PKD1L1: variants seen among roughly 807,000 people sequenced by gnomAD.
PKD1L1 encodes the protein polycystin-1-like protein 1.
PKD1L1 carries 236 observed loss-of-function variants against 323.4 expected under a neutral mutation model. That is an observed-to-expected ratio of 0.73 (90% CI 0.66 to 0.81). The LOEUF (loss-of-function observed/expected upper bound fraction) is 0.81, where lower values mean the gene tolerates loss of function less well. Among genes scored for constraint, PKD1L1 ranks in the 40% least tolerant of loss-of-function variants. The probability of loss-of-function intolerance (pLI) is 0.00; values close to 1 mark genes in which losing one functional copy is unlikely to be tolerated. For synonymous variants in PKD1L1, 1,344 were observed against 1,335.0 expected (o/e 1.01, Z -0.15); for missense variants, 3,320 against 3,508.0 (o/e 0.95, Z 1.35).
intron 6 of PKD1L1, among the ~76,000 whole-genome samples, chr7:47,930,112 T>C (rs1787736927): frequency 6.6e-6 from 1 of 152,192 alleles, no homozygotes; most frequent in East Asian, 1.9e-4. Context: ...GCATATGGTG[T>C]TGGTACCATT....
In PKD1L1 at chr7:47,866,540, G is replaced by T; in HGVS notation, c.3971C>A (p.Thr1324Asn). 6.2e-7 allele frequency: 1 copy of T among 1,613,900 alleles called. No homozygotes were observed. The highest frequency in any genetic ancestry group is 8.5e-7 in the Non-Finnish European group (1 of 1,179,882). Residue 1324 changes from threonine to asparagine, a missense_variant, in exon 25 of 57, where the codon ACT becomes AAT. Coordinates refer to ENST00000289672, the MANE Select transcript of PKD1L1 (RefSeq NM_138295.5). ...ACGACTCAGGATTCTGGTGATCACA[G>T]TGATGTAGTTCCTGATTTCTGTGTA... is the stretch of plus-strand genomic sequence containing the variant. ...GSYTEIRNYI[T>N]VITRILSRLS...
chr7:47,866,406 C>T lies in PKD1L1; in HGVS notation c.4092+13G>A, dbSNP rs1278831211. The T allele has an allele frequency of 4.3e-6, 7 of 1,611,156 alleles. No individual in the cohort carries two copies. In the South Asian group the frequency reaches 5.5e-5, roughly 13 times the overall value. ...GTTTACAGACACTAAACTCACCCTC[C>T]TCTGAGCCATACCTGATCTACAAAA... On this transcript the variant is annotated intron_variant, in intron 25 of 56. Coordinates refer to ENST00000289672, the MANE Select transcript of PKD1L1 (RefSeq NM_138295.5).
In PKD1L1 at chr7:47,931,250, C is replaced by T. The variant is rs765177563; in HGVS notation, c.591G>A (p.Leu197=). Residue 197 remains leucine (L), a synonymous_variant, in exon 6 of 57, where the codon CTG becomes CTA. Coordinates refer to ENST00000289672, the MANE Select transcript of PKD1L1 (RefSeq NM_138295.5). ...TGGCCACATCCTCCGCACAGCACAGCAGTCTCAGGACACAGCAGGAAGCCT... is the reference window on the plus strand; with the variant it reads ...TGGCCACATCCTCCGCACAGCACAGTAGTCTCAGGACACAGCAGGAAGCCT... ...KMEASCCVLR[L]LCCAEDVATG... 40 of 1,614,134 alleles carry T rather than the reference C, an allele frequency of 2.5e-5. No homozygotes were observed. The highest frequency in any genetic ancestry group is 3.2e-5 in the Non-Finnish European group (38 of 1,180,046).
chr7:47,955,708 T>G, the PKD1L1 span, among the ~76,000 whole-genome samples: 6 of 152,236 alleles, frequency 3.9e-5, no homozygotes, highest in Non-Finnish European at 5.9e-5. Context: ...TTATAACCTT[T>G]GTGTAAATTC....
Position 47,843,009 on chromosome 7 carries a change from C to T in PKD1L1, c.5398G>A (p.Val1800Ile). The stretch of plus-strand genomic sequence containing the variant: ...GCTCGGAAGCCAGTGTCAATGACGA[C>T]CGCATATAGCTGATGGCCCGGCAGG... Reference protein sequence around the residue: ...ASLPGHQLYAVVIDTGFRAPA... With the variant: ...ASLPGHQLYAIVIDTGFRAPA... The change falls in exon 34 of 57, where the codon GTC becomes ATC. Residue 1800 changes from valine (V) to isoleucine (I), a missense_variant. Coordinates refer to ENST00000289672, the MANE Select transcript of PKD1L1 (RefSeq NM_138295.5). The T allele has an allele frequency of 6.2e-7, 1 of 1,613,848 alleles. No individual in the cohort carries two copies. The highest frequency in any genetic ancestry group is 2.2e-5 in the East Asian group (1 of 44,884).
chr7:47,945,405 A>G (rs1466567385), intron 1 of PKD1L1, among the ~76,000 whole-genome samples: 1 of 152,188 alleles, frequency 6.6e-6, no homozygotes, highest in Non-Finnish European at 1.5e-5. Flanking sequence ...ACCAGAGGGC[A>G]GACGAGGACA....
At chr7:47,904,666 A>G (rs756872701) in intron 11 of PKD1L1, 49 bp from the exon 12 acceptor site, 9 of 1,579,976 alleles carry the variant, frequency 5.7e-6, no homozygotes, top group Non-Finnish European at 7.8e-6. Context: ...CAAGACAAGA[A>G]CAGGGTCAGG....
intron 32 of PKD1L1, among the ~76,000 whole-genome samples, chr7:47,846,457 C>A (rs571363795): frequency 4.6e-5 from 7 of 152,296 alleles, no homozygotes; most frequent in African/African-American, 1.7e-4. Context: ...CTCAGGGCAA[C>A]ATGGGGGCAT....
At position 47,829,567 on chromosome 7, in the gene PKD1L1, C is replaced by G. The variant is rs1785302362; in HGVS notation, c.6593G>C (p.Arg2198Thr). The G allele has an allele frequency of 1.2e-6, 2 of 1,612,796 alleles. No homozygotes were observed. The highest frequency in any genetic ancestry group is 2.7e-5 in the African/African-American group (2 of 74,820). The change falls in exon 44 of 57, where the codon AGA (arginine) becomes ACA (threonine). Residue 2198 changes from arginine (R) to threonine (T), a missense_variant. Arg to Thr is a moderately conservative substitution (Grantham distance 71). Coordinates refer to ENST00000289672, the MANE Select transcript of PKD1L1 (RefSeq NM_138295.5). ...CLMALGFAWK[R>T]RADNHFFTES... ...AGTAAAAAAGTGGTTGTCAGCTCTTCTTTTCCAAGCAAAACCCAAGGCCAT... is the reference window on the plus strand; with the variant it reads ...AGTAAAAAAGTGGTTGTCAGCTCTTGTTTTCCAAGCAAAACCCAAGGCCAT...
chr7:47,889,878 T>C (rs1786770765), intron 16 of PKD1L1, among the ~76,000 whole-genome samples: 1 of 152,058 alleles, frequency 6.6e-6, no homozygotes, highest in Admixed American at 6.6e-5. Context: ...GGGCTCCTGC[T>C]CCATCCCGAT....
At chr7:47,882,451 A>G (rs1262042574) in intron 19 of PKD1L1, among the ~76,000 whole-genome samples, 1 of 152,166 alleles carries the variant, frequency 6.6e-6, no homozygotes, top group South Asian at 2.1e-4. Flanking sequence ...CAAAAAATAA[A>G]TGAGAAAACA....
chr7:47,842,842 G>A, intron 34 of PKD1L1, 120 bp downstream of exon 34: 1 of 938,656 alleles, frequency 1.1e-6, no homozygotes, highest in Non-Finnish European at 1.6e-6. Flanking sequence ...CTTTGCCTCA[G>A]CAATGAGATG....
At chr7:47,802,280 A>G (rs916383363) in intron 53 of PKD1L1, among the ~76,000 whole-genome samples, 1 of 151,956 alleles carries the variant, frequency 6.6e-6, no homozygotes, top group Non-Finnish European at 1.5e-5. Context: ...CTACATGCAT[A>G]TAATCTCAAA....
At chr7:47,960,366 T>TA in the PKD1L1 span, among the ~76,000 whole-genome samples, 6 of 22,066 alleles carry the variant, frequency 2.7e-4, no homozygotes, top group South Asian at 1.5e-3. Flanking sequence ...GAATGATCAA[T>TA]AAAAAAAAAT....
chr7:47,947,747 CACA>C (rs1373995556), intron 1 of PKD1L1, among the ~76,000 whole-genome samples: 3 of 152,128 alleles, frequency 2.0e-5, no homozygotes, highest in Non-Finnish European at 4.4e-5. Context: ...GCGGGCAGAT[CACA>C]AGGTCAGGAG....
intron 19 of PKD1L1, among the ~76,000 whole-genome samples, chr7:47,883,061 A>T (rs926349911): frequency 2.6e-5 from 4 of 151,908 alleles, no homozygotes; most frequent in East Asian, 1.9e-4. Flanking sequence ...TATAAATGCA[A>T]TACAAAGGCA....
At chr7:47,818,325 CA>C (rs1050808549) in intron 46 of PKD1L1, 3 of 595,186 alleles carry the variant, frequency 5.0e-6, no homozygotes, top group South Asian at 2.2e-5. Context: ...GAATTTTCAA[CA>C]GAGGAAAGTG....
rs759296636 is a variant in PKD1L1, at chr7:47,940,300, C to A, written c.178G>T (p.Val60Leu). The change falls in exon 3 of 57, where the codon GTG (valine) becomes TTG (leucine). Residue 60 changes from valine (V) to leucine (L), a missense_variant. Transcript: ENST00000289672. ...GLWVEVYANH[V>L]LLMSDGKCGC... ...CACTTCCCATCACTCATAAGAAGCA[C>A]ATGATTAGCATAGACCTCTAGAGAA... The A allele has an allele frequency of 3.2e-5, 52 of 1,612,726 alleles. No homozygotes were observed. The highest frequency in any genetic ancestry group is 6.6e-5 in the South Asian group (6 of 91,014).
In PKD1L1 at chr7:47,885,667, C is replaced by G; in HGVS notation, c.3205+19G>C. 6.3e-7 allele frequency: 1 copy of G among 1,597,458 alleles called. No homozygotes were observed. Among genetic ancestry groups the G allele is most frequent in the African/African-American group, 1.3e-5 (1 of 74,694 alleles). On this transcript the variant is annotated intron_variant, in intron 18 of 56. Coordinates refer to ENST00000289672, the MANE Select transcript of PKD1L1 (RefSeq NM_138295.5). ...GTGCCTAGACAAGAGGGATGACATGCAGGAACAGTGGCACTTACCAGAGAG... is the reference window on the plus strand; with the variant it reads ...GTGCCTAGACAAGAGGGATGACATGGAGGAACAGTGGCACTTACCAGAGAG...
Sources: allele counts gnomAD v4.1 joint callset (sites outside exome capture counted in the v4.1 genomes callset), GRCh38; gene constraint gnomAD v4.1.1; transcripts MANE v1.5; gene names NCBI Gene and HGNC (gene_info 2026-07-23, HGNC 2026-07-21).